PATJ: variants seen among roughly 807,000 people sequenced by gnomAD.
The protein encoded by PATJ is inaD-like protein.
Under a neutral mutation model 224.9 loss-of-function variants are expected in PATJ, and 190 were observed. That is an observed-to-expected ratio of 0.84 (90% CI 0.75 to 0.95). The LOEUF (loss-of-function observed/expected upper bound fraction) is 0.95. Ranked by LOEUF, PATJ falls within the 40% of genes least tolerant of loss-of-function variation. The pLI is 0.00. For synonymous variants in PATJ, 769 were observed against 820.3 expected, an observed-to-expected ratio of 0.94 and a Z score of 1.07; for missense variants, 2,121 against 2,270.3, an observed-to-expected ratio of 0.93 and a Z score of 1.34.
chr1:61,794,993 CA>C (rs1203932548), intron 9 of PATJ, among the ~76,000 whole-genome samples: 1 of 143,204 alleles, frequency 7.0e-6, no homozygotes, highest in Non-Finnish European at 1.5e-5. Flanking sequence ...AAAAAACAAA[CA>C]AAAAGATCAT....
In PATJ at chr1:62,123,566, C is replaced by T. The variant is rs138665053; in HGVS notation, c.5043+508C>T. On this transcript the variant is annotated intron_variant, in intron 39 of 43. Coordinates refer to ENST00000642238, the MANE Select transcript of PATJ (RefSeq NM_001350145.3). ...GATCTCGGCTCACTGCAAGCTCCAC[C>T]TCCTGGGTTCATGCCATTCTCCTGC... Among the ~76,000 whole-genome samples, 445 of 146,874 alleles carry T rather than the reference C, an allele frequency of 3.0e-3. 17 individuals carry two copies. The East Asian group carries it at 0.078, about 26-fold the overall frequency.
At chr1:62,019,532 A>G (rs1316948483) in intron 29 of PATJ, among the ~76,000 whole-genome samples, 1 of 151,542 alleles carries the variant, frequency 6.6e-6, no homozygotes, top group Non-Finnish European at 1.5e-5. Context: ...AAAAAAAAGG[A>G]AATCCTATAT....
At chr1:61,868,976 A>G (rs1665835128) in intron 20 of PATJ, among the ~76,000 whole-genome samples, 1 of 152,186 alleles carries the variant, frequency 6.6e-6, no homozygotes, top group African/African-American at 2.4e-5. Flanking sequence ...CTAAGTGATT[A>G]AAGTTAGAGC....
chr1:62,003,680 G>T (rs889621358), intron 28 of PATJ, among the ~76,000 whole-genome samples: 1 of 152,170 alleles, frequency 6.6e-6, no homozygotes, highest in Non-Finnish European at 1.5e-5. Context: ...AATTTATTCA[G>T]AAGTCTTTTT....
rs559495075 is a variant in PATJ, at chr1:61,890,601, A to G, written c.3131+6193A>G. ...AGCCTTGACCTCCCAGGTTCAAGCA[A>G]TCCTCCCACCTCAGCCTCCCAAATA... On this transcript the variant is annotated intron_variant, in intron 22 of 43. Coordinates refer to ENST00000642238, the MANE Select transcript of PATJ (RefSeq NM_001350145.3). 5.7e-4 allele frequency among the ~76,000 whole-genome samples: 87 copies of G among 152,126 alleles called. 1 individual carries two copies. The highest frequency in any genetic ancestry group is 2.0e-3 in the African/African-American group (84 of 41,508).
chr1:61,779,230 C>T (rs761207265), intron 7 of PATJ, among the ~76,000 whole-genome samples: 9 of 152,180 alleles, frequency 5.9e-5, no homozygotes, highest in South Asian at 2.1e-4. Flanking sequence ...AAAATTGGCT[C>T]ATGCCATGGT....
At chr1:61,998,989 T>C (rs1021835108) in intron 28 of PATJ, among the ~76,000 whole-genome samples, 5 of 152,168 alleles carry the variant, frequency 3.3e-5, no homozygotes, top group Non-Finnish European at 5.9e-5. Flanking sequence ...AAAAGCTTTA[T>C]GTGTGGTCTC....
At chr1:62,031,272 G>A (rs899866329) in intron 29 of PATJ, among the ~76,000 whole-genome samples, 2 of 152,110 alleles carry the variant, frequency 1.3e-5, no homozygotes, top group Admixed American at 6.6e-5. Context: ...CCTTTAAAGA[G>A]GAAGAAAAGT....
chr1:62,051,061 G>A lies in PATJ; in HGVS notation c.4125+3G>A. 5 of 1,597,690 alleles carry A rather than the reference G, an allele frequency of 3.1e-6. No homozygotes were observed. Among genetic ancestry groups the A allele is most frequent in the African/African-American group, 1.3e-5 (1 of 74,674 alleles). On this transcript the variant is annotated splice_donor_region_variant and intron_variant, in intron 31 of 43. Coordinates refer to ENST00000642238, the MANE Select transcript of PATJ (RefSeq NM_001350145.3). ...CTGAAAGTGAAAGCTTCAAACTGGTGAGAATCTTGAGTATTTTTCATCCTG... is the reference window on the plus strand; with the variant it reads ...CTGAAAGTGAAAGCTTCAAACTGGTAAGAATCTTGAGTATTTTTCATCCTG...
intron 9 of PATJ, among the ~76,000 whole-genome samples, chr1:61,794,406 A>G (rs946802171): frequency 1.3e-5 from 2 of 151,900 alleles, no homozygotes; most frequent in Admixed American, 1.3e-4. Context: ...CAGCCTCCCA[A>G]AGCGCTGGGA....
intron 27 of PATJ, among the ~76,000 whole-genome samples, chr1:61,950,500 A>C (rs916502176): frequency 6.6e-6 from 1 of 152,200 alleles, no homozygotes; most frequent in African/African-American, 2.4e-5. Context: ...AGATTTATTG[A>C]GCAACTAGTA....
intron 1 of PATJ, among the ~76,000 whole-genome samples, chr1:61,760,154 G>A (rs1276224207): frequency 6.6e-6 from 1 of 152,208 alleles, no homozygotes; most frequent in Non-Finnish European, 1.5e-5. Context: ...AGTTGTAAGA[G>A]TTGTACAGTT....
intron 33 of PATJ, among the ~76,000 whole-genome samples, chr1:62,087,221 G>A (rs564812037): frequency 3.9e-4 from 59 of 152,078 alleles, no homozygotes; most frequent in Admixed American, 3.0e-3. Context: ...GGACAGCACA[G>A]GCAGAGAGTC....
chr1:61,744,449 AGTTT>A (rs1362857479), intron 1 of PATJ, among the ~76,000 whole-genome samples: 6 of 152,012 alleles, frequency 3.9e-5, no homozygotes, highest in African/African-American at 1.5e-4. Context: ...CAGGCTCTCT[AGTTT>A]GTTTGGGTTT....
At chr1:62,030,313 G>A (rs1034523749) in intron 29 of PATJ, among the ~76,000 whole-genome samples, 2 of 152,108 alleles carry the variant, frequency 1.3e-5, no homozygotes, top group African/African-American at 2.4e-5. Flanking sequence ...TGGCTTTGAC[G>A]TTTACATTAT....
intron 3 of PATJ, among the ~76,000 whole-genome samples, chr1:61,765,264 AAG>A (rs1351051170): frequency 6.6e-6 from 1 of 151,014 alleles, no homozygotes; most frequent in Non-Finnish European, 1.5e-5. Flanking sequence ...TTGTTGAGAC[AAG>A]AGTCTCACTA....
intron 39 of PATJ, among the ~76,000 whole-genome samples, chr1:62,126,091 G>A (rs181904585): frequency 4.6e-5 from 7 of 152,200 alleles, no homozygotes; most frequent in Non-Finnish European, 8.8e-5. Flanking sequence ...TGCTATGCTG[G>A]TTTGGGTCTG....
Position 62,018,666 on chromosome 1 carries a change from A to G in PATJ, c.3959+719A>G, listed in dbSNP as rs1413699629. On this transcript the variant is annotated intron_variant, in intron 29 of 43. Transcript: ENST00000642238. This position sits in a 1 kb window ranked among gnomAD's most constrained non-coding sequence, Gnocchi z 4.2. ...TTCTTTTTCCTTCTGGGACTCAGTT[A>G]TCATCTGTAAAATGGGATAATAAAG... Among the ~76,000 whole-genome samples, 3 of 152,200 alleles carry G rather than the reference A, an allele frequency of 2.0e-5. No homozygotes were observed.
chr1:62,056,129 T>C lies in PATJ; in HGVS notation c.4125+5071T>C, dbSNP rs185570468. The stretch of plus-strand genomic sequence containing the variant: ...CTGGATGAGGGTAGGTCTTCCTTGC[T>C]TGGTCCACTGCTTCAAATGCCCATC... On this transcript the variant is annotated intron_variant, in intron 31 of 43. Transcript: ENST00000642238. Among the ~76,000 whole-genome samples the C allele has an allele frequency of 1.7e-3, 255 of 152,284 alleles. 1 individual carries two copies. The highest frequency in any genetic ancestry group is 2.6e-3 in the Non-Finnish European group (178 of 68,026).
Sources: allele counts gnomAD v4.1 joint callset (sites outside exome capture counted in the v4.1 genomes callset), GRCh38; gene constraint gnomAD v4.1.1; non-coding constraint Gnocchi (gnomAD v3.1); transcripts MANE v1.5; gene names NCBI Gene and HGNC (gene_info 2026-07-23, HGNC 2026-07-21).